The following CCDC192 variants were observed in gnomAD, a reference collection of about 807,000 sequenced individuals.
The protein encoded by CCDC192 is coiled-coil domain containing 192.
intron 3 of CCDC192, among the ~76,000 whole-genome samples, chr5:127,757,530 A>C (rs1172142068): frequency 6.6e-6 from 1 of 152,026 alleles, no homozygotes; most frequent in African/African-American, 2.4e-5. Context: ...TAAAAACTTT[A>C]AGAACAGTCC....
chr5:127,763,642 C>A (rs1352393620), intron 3 of CCDC192, among the ~76,000 whole-genome samples: 2 of 152,172 alleles, frequency 1.3e-5, no homozygotes, highest in Non-Finnish European at 2.9e-5. Context: ...GATCCGACCA[C>A]CTGCTTGTTT....
At chr5:127,852,427 A>T (rs1475864235) in intron 5 of CCDC192, among the ~76,000 whole-genome samples, 2 of 151,978 alleles carry the variant, frequency 1.3e-5, no homozygotes, top group African/African-American at 4.8e-5. Flanking sequence ...CACATGGGGG[A>T]AGTATTGGCT....
intron 3 of CCDC192, among the ~76,000 whole-genome samples, chr5:127,780,943 T>G (rs1160345890): frequency 1.3e-5 from 2 of 152,222 alleles, no homozygotes; most frequent in Non-Finnish European, 2.9e-5. Context: ...CTTTTAAAAT[T>G]TTTATAGTTT....
intron 6 of CCDC192, among the ~76,000 whole-genome samples, chr5:127,884,144 C>T (rs1752462922): frequency 6.6e-6 from 1 of 151,826 alleles, no homozygotes; most frequent in Non-Finnish European, 1.5e-5. Context: ...GAGATCCAGA[C>T]CATCCTAGCT....
chr5:127,733,249 C>G (rs1752746627), intron 2 of CCDC192, among the ~76,000 whole-genome samples: 1 of 152,110 alleles, frequency 6.6e-6, no homozygotes, highest in African/African-American at 2.4e-5. Context: ...AGACTCTCTC[C>G]TAGGCTGAGA....
intron 2 of CCDC192, among the ~76,000 whole-genome samples, chr5:127,728,639 A>G (rs769241721): frequency 7.9e-5 from 12 of 152,296 alleles, no homozygotes; most frequent in Middle Eastern, 3.4e-3. Context: ...CTACATTAAC[A>G]AGTCTGCAAA....
chr5:127,887,955 G>A (rs1033175072), intron 6 of CCDC192, among the ~76,000 whole-genome samples: 2 of 151,620 alleles, frequency 1.3e-5, no homozygotes, highest in East Asian at 3.9e-4. Context: ...CACCCGCCTC[G>A]GCCTCCCAAA....
intron 3 of CCDC192, among the ~76,000 whole-genome samples, chr5:127,776,924 C>T (rs1451336831): frequency 6.6e-6 from 1 of 152,220 alleles, no homozygotes; most frequent in Non-Finnish European, 1.5e-5. Flanking sequence ...GCCTGGATGT[C>T]CAGGAAGAAG....
intron 3 of CCDC192, among the ~76,000 whole-genome samples, chr5:127,767,651 T>A (rs1755306492): frequency 6.6e-6 from 1 of 152,208 alleles, no homozygotes. Flanking sequence ...TATCTATTCT[T>A]AAGGCCTAGA....
At chr5:127,912,300 G>C (rs1753391105) in intron 6 of CCDC192, among the ~76,000 whole-genome samples, 1 of 151,002 alleles carries the variant, frequency 6.6e-6, no homozygotes, top group South Asian at 2.1e-4. Flanking sequence ...GTATATTCAG[G>C]CTATTTTTCC....
intron 2 of CCDC192, among the ~76,000 whole-genome samples, chr5:127,740,469 G>C (rs1753346501): frequency 6.6e-6 from 1 of 152,148 alleles, no homozygotes; most frequent in East Asian, 1.9e-4. Flanking sequence ...GCAAATGCCA[G>C]TCTGGGAGGT....
chr5:127,937,332 C>T (rs1290602449), intron 6 of CCDC192, among the ~76,000 whole-genome samples: 2 of 151,996 alleles, frequency 1.3e-5, no homozygotes, highest in African/African-American at 2.4e-5. Flanking sequence ...CATCAAAATT[C>T]CTGTGTTGAA....
chr5:127,767,091 G>T lies in CCDC192; in HGVS notation c.222+12716G>T, dbSNP rs563074082. ...AGCAGAGTGCCTTTTCCCCAAACTG[G>T]AAAGTAGAGAGTCAGCTCACTGAGT... On this transcript the variant is annotated intron_variant, in intron 3 of 6. Transcript: ENST00000514853. Among the ~76,000 whole-genome samples the T allele has an allele frequency of 1.2e-4, 18 of 152,182 alleles. 1 individual carries two copies.
intron 5 of CCDC192, among the ~76,000 whole-genome samples, chr5:127,841,029 T>C (rs1750259185): frequency 6.6e-6 from 1 of 152,178 alleles, no homozygotes; most frequent in East Asian, 1.9e-4. Context: ...ACAAATCTTG[T>C]ATAGAAATAA....
chr5:127,845,317 G>A (rs1490469317), intron 5 of CCDC192, among the ~76,000 whole-genome samples: 1 of 152,166 alleles, frequency 6.6e-6, no homozygotes, highest in Non-Finnish European at 1.5e-5. Context: ...GGCCACGAAT[G>A]AGAGCACAGG....
upstream of CCDC192, among the ~76,000 whole-genome samples, chr5:127,702,251 C>G (rs1750738268): frequency 6.6e-6 from 1 of 152,128 alleles, no homozygotes; most frequent in East Asian, 1.9e-4. Flanking sequence ...CACCACCACA[C>G]CCGGCTAATT....
chr5:127,882,152 G>A (rs907579780), intron 6 of CCDC192, among the ~76,000 whole-genome samples: 4 of 152,174 alleles, frequency 2.6e-5, no homozygotes, highest in African/African-American at 4.8e-5. Flanking sequence ...TGTCTGAATC[G>A]AGCCAGCTAC....
Position 127,754,383 on chromosome 5 carries a change from C to G in CCDC192, c.222+8C>G. 7.5e-6 allele frequency: 3 copies of G among 398,552 alleles called. No homozygotes were observed. The highest frequency in any genetic ancestry group is 1.3e-5 in the Non-Finnish European group (3 of 225,916). 24.7% of individuals were successfully genotyped at this position (398,552 alleles called of 1,614,324 possible). Reference sequence around the variant, plus strand: ...AAAGCTTTATCTGAACAGGTAACACCTGTCATGGGAACTGGAAACAAATGT... The same window carrying G: ...AAAGCTTTATCTGAACAGGTAACACGTGTCATGGGAACTGGAAACAAATGT... On this transcript the variant is annotated splice_region_variant and intron_variant, in intron 3 of 6. Transcript: ENST00000514853.
At chr5:127,729,482 A>T (rs1400695018) in intron 2 of CCDC192, among the ~76,000 whole-genome samples, 1 of 152,190 alleles carries the variant, frequency 6.6e-6, no homozygotes, top group South Asian at 2.1e-4. Flanking sequence ...ACTGACAAAG[A>T]TATTCAGGAC....
Sources: gnomAD v4.1 joint callset for allele counts (sites outside exome capture counted in the v4.1 genomes callset) on GRCh38, gnomAD v4.1.1 for gene constraint, MANE v1.5 for transcripts, NCBI Gene and HGNC (gene_info 2026-07-23, HGNC 2026-07-21) for gene names.